Variants in DEK observed in about 807,000 individuals in gnomAD.
DEK encodes the protein DEK proto-oncogene.
DEK carries 28 observed loss-of-function variants against 46.8 expected under a neutral mutation model. The ratio of observed to expected loss-of-function variants is 0.60; its 90% CI spans 0.44 to 0.82. The LOEUF (loss-of-function observed/expected upper bound fraction) is 0.82, where lower values mean the gene tolerates loss of function less well. Ranked by LOEUF, DEK falls within the 40% of genes least tolerant of loss-of-function variation. DEK has a pLI of 0.00. For missense variants in DEK, 416 were observed against 430.6 expected (o/e 0.97, Z 0.30); for synonymous variants, 160 against 144.5 (o/e 1.11, Z -0.77).
intron 7 of DEK, among the ~76,000 whole-genome samples, chr6:18,247,319 A>G (rs1038944024): frequency 5.2e-4 from 79 of 152,210 alleles, no homozygotes; most frequent in Admixed American, 2.2e-3. Context: ...TTTATTTTAC[A>G]TTTTATAAAA....
At chr6:18,235,213 C>G (rs1431691692) in intron 9 of DEK, among the ~76,000 whole-genome samples, 1 of 152,198 alleles carries the variant, frequency 6.6e-6, no homozygotes, top group Non-Finnish European at 1.5e-5. Context: ...TCTCAATAAT[C>G]TACATAGCCT....
intron 1 of DEK, 71 bp downstream of exon 1, chr6:18,264,314 A>C: frequency 6.0e-6 from 1 of 165,538 alleles, no homozygotes. Flanking sequence ...CGCCGTCCAA[A>C]TGGCCGCGTC....
rs1176861603 is a variant in DEK, at chr6:18,258,076, A to AT, written c.248-15_248-14insA. The AT allele has an allele frequency of 6.4e-7, 1 of 1,552,494 alleles. No individual in the cohort carries two copies. The highest frequency in any genetic ancestry group is 8.7e-7 in the Non-Finnish European group (1 of 1,143,014). ...TCTGCCCCTTTCCTGGGGAAAAAAA[A>AT]AAATCACAATTAAATACCTATGGCT... On this transcript the variant is annotated splice_polypyrimidine_tract_variant and intron_variant, in intron 3 of 10. Coordinates refer to ENST00000652689, the MANE Select transcript of DEK (RefSeq NM_003472.4).
chr6:18,226,057 T>C, intron 10 of DEK, 117 bp downstream of exon 10: 1 of 929,232 alleles, frequency 1.1e-6, no homozygotes, highest in Non-Finnish European at 1.5e-6. Context: ...TATGAAGAAA[T>C]GTGAGGATCA....
chr6:18,228,072 G>T (rs1457818059), intron 9 of DEK, among the ~76,000 whole-genome samples: 3 of 152,136 alleles, frequency 2.0e-5, no homozygotes, highest in East Asian at 1.9e-4. Context: ...TAAGCTCACA[G>T]TCTGCAAGCA....
chr6:18,238,050 GT>G (rs1790741010), intron 7 of DEK, among the ~76,000 whole-genome samples: 1 of 151,574 alleles, frequency 6.6e-6, no homozygotes, highest in Admixed American at 6.6e-5. Flanking sequence ...TGTATTTTTA[GT>G]AGAGATGAGG....
At chr6:18,234,216 A>C (rs1437803368) in intron 9 of DEK, among the ~76,000 whole-genome samples, 2 of 151,802 alleles carry the variant, frequency 1.3e-5, no homozygotes, top group African/African-American at 4.8e-5. Flanking sequence ...GAGGGATAGC[A>C]TTAGGAGATA....
intron 6 of DEK, among the ~76,000 whole-genome samples, chr6:18,252,725 T>C (rs550465915): frequency 2.6e-5 from 4 of 152,274 alleles, no homozygotes; most frequent in South Asian, 4.1e-4. Flanking sequence ...TTCATAATAA[T>C]AGCAACACTA....
At chr6:18,260,646 A>G (rs1791816040) in intron 2 of DEK, among the ~76,000 whole-genome samples, 1 of 152,192 alleles carries the variant, frequency 6.6e-6, no homozygotes, top group Admixed American at 6.5e-5. Flanking sequence ...TTCAGAGGAT[A>G]TATGAGAAAG....
chr6:18,257,909 G>A (rs773117747), intron 4 of DEK, 44 bp downstream of exon 4: 66 of 1,379,200 alleles, frequency 4.8e-5, no homozygotes, highest in Non-Finnish European at 6.0e-5. Flanking sequence ...TGATTCCATT[G>A]TGAAGTAATA....
chr6:18,237,062 ATAATT>A (rs1434498443), intron 8 of DEK: 6 of 221,068 alleles, frequency 2.7e-5, no homozygotes, highest in African/African-American at 1.1e-4. Flanking sequence ...ACTGCAATAA[ATAATT>A]TATTTAGTTA....
chr6:18,256,539 T>C lies in DEK; in HGVS notation c.358-84A>G, dbSNP rs1051287662. ...ATTCAAAGCCAATTCAAAGTCAACA[T>C]CTTTATTTTCATACCTGTCTGTAAG... On this transcript the variant is annotated intron_variant, in intron 4 of 10. Transcript: ENST00000652689. 8.7e-6 allele frequency: 10 copies of C among 1,145,312 alleles called. No homozygotes were observed. In the African/African-American group the frequency reaches 1.3e-4, roughly 14 times the overall value. 70.9% of individuals were successfully genotyped at this position (1,145,312 alleles called of 1,614,324 possible).
intron 9 of DEK, among the ~76,000 whole-genome samples, chr6:18,227,565 C>G (rs1158109768): frequency 6.6e-6 from 1 of 152,064 alleles, no homozygotes; most frequent in African/African-American, 2.4e-5. Context: ...GCCGGATCCT[C>G]CGTATACTGA....
At chr6:18,226,980 G>A (rs535660720) in intron 9 of DEK, among the ~76,000 whole-genome samples, 9 of 151,206 alleles carry the variant, frequency 6.0e-5, no homozygotes, top group South Asian at 4.2e-4. Flanking sequence ...CAGCATGCTC[G>A]TTAACAGTCA....
chr6:18,264,074 C>G, intron 1 of DEK, 78 bp from the exon 2 acceptor site: 2 of 1,326,024 alleles, frequency 1.5e-6, no homozygotes, highest in Non-Finnish European at 2.0e-6. Context: ...CTGAATGATG[C>G]TACCCTTCCC....
intron 9 of DEK, among the ~76,000 whole-genome samples, chr6:18,234,405 A>G (rs574510039): frequency 1.6e-4 from 25 of 152,200 alleles, no homozygotes; most frequent in Admixed American, 1.4e-3. Context: ...CCAATCCCGA[A>G]TTGGTCTAAC....
intron 6 of DEK, among the ~76,000 whole-genome samples, chr6:18,254,946 G>A (rs1791541522): frequency 6.6e-6 from 1 of 152,074 alleles, no homozygotes; most frequent in Non-Finnish European, 1.5e-5. Flanking sequence ...AAGTCCTAGA[G>A]CTATTTTCTG....
intron 9 of DEK, among the ~76,000 whole-genome samples, chr6:18,229,348 C>T (rs1790293885): frequency 6.6e-6 from 1 of 152,194 alleles, no homozygotes; most frequent in African/African-American, 2.4e-5. Flanking sequence ...AGGAACACAG[C>T]TCCTCGCCAG....
At chr6:18,227,592 T>A (rs1191458281) in intron 9 of DEK, among the ~76,000 whole-genome samples, 2 of 151,934 alleles carry the variant, frequency 1.3e-5, no homozygotes, top group Non-Finnish European at 2.9e-5. Flanking sequence ...GTCCCCTGAG[T>A]CCCCTTATTT....
Sources: gnomAD v4.1 joint callset for allele counts (sites outside exome capture counted in the v4.1 genomes callset) on GRCh38, gnomAD v4.1.1 for gene constraint, MANE v1.5 for transcripts, NCBI Gene and HGNC (gene_info 2026-07-23, HGNC 2026-07-21) for gene names.